Variants in ECPAS observed in about 807,000 individuals in gnomAD.
ECPAS encodes proteasome adapter and scaffold protein ECM29.
Under a neutral mutation model 255.1 loss-of-function variants are expected in ECPAS, and 70 were observed. The ratio of observed to expected loss-of-function variants is 0.27; its 90% CI spans 0.23 to 0.33. ECPAS has a LOEUF of 0.33. Among genes scored for constraint, ECPAS ranks in the 10% least tolerant of loss-of-function variants. ECPAS has a pLI of 1.00. For synonymous variants in ECPAS, 784 were observed against 775.0 expected (o/e 1.01, Z -0.19); for missense variants, 1,817 against 2,206.4 (o/e 0.82, Z 3.54).
chr9:111,439,832 G>A (rs2098243349), intron 6 of ECPAS, among the ~76,000 whole-genome samples: 1 of 151,970 alleles, frequency 6.6e-6, no homozygotes, highest in South Asian at 2.1e-4. Context: ...CGCTGGGAAA[G>A]AAATTATGAC....
chr9:111,403,191 GAAAA>G (rs34002065), intron 24 of ECPAS, among the ~76,000 whole-genome samples: 1 of 120,862 alleles, frequency 8.3e-6, no homozygotes, highest in Admixed American at 8.9e-5. Flanking sequence ...CATCTCTACT[GAAAA>G]AAAAAAAAAA....
chr9:111,459,447 T>C (rs916744332), intron 2 of ECPAS, among the ~76,000 whole-genome samples: 7 of 152,164 alleles, frequency 4.6e-5, no homozygotes, highest in Non-Finnish European at 8.8e-5. Context: ...AGTATTTTAA[T>C]AAATCAGAAG....
intron 24 of ECPAS, among the ~76,000 whole-genome samples, chr9:111,398,312 T>C (rs2098170567): frequency 6.6e-6 from 1 of 152,198 alleles, no homozygotes; most frequent in South Asian, 2.1e-4. Context: ...ATAATCCTTA[T>C]TAGGGGTTCA....
chr9:111,446,138 T>C (rs1349828875), intron 3 of ECPAS, among the ~76,000 whole-genome samples: 5 of 152,242 alleles, frequency 3.3e-5, no homozygotes, highest in Admixed American at 2.6e-4. Flanking sequence ...GGCATTTTTA[T>C]TGTATTCTGA....
chr9:111,413,561 T>A (rs1177781137), intron 20 of ECPAS, among the ~76,000 whole-genome samples: 1 of 152,104 alleles, frequency 6.6e-6, no homozygotes, highest in Non-Finnish European at 1.5e-5. Context: ...CTTGGGTAGG[T>A]TGGAGATGGT....
chr9:111,414,391 G>A (rs776918142), intron 19 of ECPAS, 38 bp downstream of exon 19: 1 of 1,538,730 alleles, frequency 6.5e-7, no homozygotes. Flanking sequence ...TTTTGCTTAA[G>A]TGCTTCAGTA....
At chr9:111,459,462 C>T (rs189422067) in intron 2 of ECPAS, among the ~76,000 whole-genome samples, 7 of 151,972 alleles carry the variant, frequency 4.6e-5, no homozygotes, top group Admixed American at 1.3e-4. Flanking sequence ...CAGAAGTCTA[C>T]GAAATATTTG....
rs555624750 is a variant in ECPAS, at chr9:111,483,147, C to T, written c.-83+969G>A. The stretch of plus-strand genomic sequence containing the variant: ...CGGGGCCAGGCGGGGTCAGACGGGA[C>T]GGGCGGACACTGCCCGTCACCCCGG... On this transcript the variant is annotated intron_variant, in intron 1 of 49. Transcript: ENST00000684092. Among the ~76,000 whole-genome samples the T allele has an allele frequency of 2.1e-3, 318 of 152,232 alleles. 1 individual carries two copies. Among genetic ancestry groups the T allele is most frequent in the African/African-American group, 7.3e-3 (303 of 41,570 alleles).
intron 24 of ECPAS, among the ~76,000 whole-genome samples, chr9:111,402,370 A>T (rs2098177523): frequency 6.6e-6 from 1 of 152,232 alleles, no homozygotes; most frequent in African/African-American, 2.4e-5. Flanking sequence ...AATCTGAAAG[A>T]AAAGAATTCT....
At chr9:111,408,713 T>C (rs753068061) in intron 23 of ECPAS, 41 bp from the exon 24 acceptor site, 3 of 1,260,014 alleles carry the variant, frequency 2.4e-6, no homozygotes, top group Admixed American at 2.5e-5. Flanking sequence ...ACAGAGTATA[T>C]AATAGCTTTA....
chr9:111,449,451 T>A (rs761678919), intron 3 of ECPAS, among the ~76,000 whole-genome samples: 1 of 152,180 alleles, frequency 6.6e-6, no homozygotes, highest in African/African-American at 2.4e-5. Context: ...AAAATCTGTA[T>A]GTATTCCATA....
At chr9:111,482,205 G>A (rs2098306723) in intron 1 of ECPAS, among the ~76,000 whole-genome samples, 1 of 152,136 alleles carries the variant, frequency 6.6e-6, no homozygotes, top group Non-Finnish European at 1.5e-5. Context: ...TCTGTAGCCC[G>A]CTTCTCTCTC....
chr9:111,465,481 A>T (rs984476116), intron 2 of ECPAS, among the ~76,000 whole-genome samples: 1 of 152,090 alleles, frequency 6.6e-6, no homozygotes, highest in African/African-American at 2.4e-5. Flanking sequence ...AGGAGGTTGC[A>T]GTGAGCCGAG....
At chr9:111,400,172 G>T (rs1056270068) in intron 24 of ECPAS, among the ~76,000 whole-genome samples, 1 of 152,238 alleles carries the variant, frequency 6.6e-6, no homozygotes, top group South Asian at 2.1e-4. Context: ...CTAGGTATCT[G>T]TAAGAGTTGC....
At chr9:111,419,813 A>G (rs993270419) in intron 16 of ECPAS, among the ~76,000 whole-genome samples, 1 of 149,688 alleles carries the variant, frequency 6.7e-6, no homozygotes, top group African/African-American at 2.4e-5. Flanking sequence ...TGTATATTAT[A>G]TAGATATATA....
intron 46 of ECPAS, among the ~76,000 whole-genome samples, chr9:111,367,039 A>G (rs980184437): frequency 1.3e-5 from 2 of 152,202 alleles, no homozygotes; most frequent in African/African-American, 4.8e-5. Context: ...GGAGGCCAGA[A>G]GCTCCTCTCT....
In ECPAS at chr9:111,372,433, T is replaced by G. The variant is rs1031362490; in HGVS notation, c.4524A>C (p.Val1508=). ...NLWTEVWQEN[V]PGSFGGIRLY... ...AACTCAGGCCACACTACTAACCAGG[T>G]ACGTTTTCCTGCCACACTTCGGTCC... is the stretch of plus-strand genomic sequence containing the variant. Residue 1508 remains valine (V), a synonymous_variant, in exon 42 of 50, where the codon GTA becomes GTC. Coordinates refer to ENST00000684092, the MANE Select transcript of ECPAS (RefSeq NM_001364929.1). 2 of 1,613,374 alleles carry G rather than the reference T, an allele frequency of 1.2e-6. No homozygotes were observed. The highest frequency in any genetic ancestry group is 1.7e-6 in the Non-Finnish European group (2 of 1,179,572).
Position 111,443,272 on chromosome 9 carries a change from A to T in ECPAS, c.271-848T>A, listed in dbSNP as rs371864873. Among the ~76,000 whole-genome samples the T allele has an allele frequency of 2.8e-4, 42 of 152,274 alleles. No individual in the cohort carries two copies. In the South Asian group the frequency reaches 8.7e-3, roughly 32 times the overall value. On this transcript the variant is annotated intron_variant, in intron 4 of 49. Transcript: ENST00000684092. ...AGCTTTTTCATTTTTTTCCCCCAAGACAGAGTCTCGCTCTGTCACCCAGGC... is the reference window on the plus strand; with the variant it reads ...AGCTTTTTCATTTTTTTCCCCCAAGTCAGAGTCTCGCTCTGTCACCCAGGC...
chr9:111,376,466 A>AAT lies in ECPAS; in HGVS notation c.4020+9_4020+10insAT. ...AAACAAACCCTCTCATTATTATTTA[A>AAT]GACACTCACCATGTTGATTGTTTCC... On this transcript the variant is annotated intron_variant, in intron 37 of 49. Coordinates refer to ENST00000684092, the MANE Select transcript of ECPAS (RefSeq NM_001364929.1). 1.9e-6 allele frequency: 3 copies of AAT among 1,579,038 alleles called. No homozygotes were observed. The highest frequency in any genetic ancestry group is 2.6e-6 in the Non-Finnish European group (3 of 1,159,770).
Sources: allele counts gnomAD v4.1 joint callset (sites outside exome capture counted in the v4.1 genomes callset), GRCh38; gene constraint gnomAD v4.1.1; transcripts MANE v1.5; gene names NCBI Gene and HGNC (gene_info 2026-07-23, HGNC 2026-07-21).